ALK: variants seen among roughly 807,000 people sequenced by gnomAD.
ALK encodes the protein ALK receptor tyrosine kinase.
In ALK, 74 loss-of-function variants were observed where a neutral mutation model predicts 163.1. That is an observed-to-expected ratio of 0.45 (90% CI 0.38 to 0.55). The LOEUF (loss-of-function observed/expected upper bound fraction) is 0.55, where lower values mean the gene tolerates loss of function less well. Among genes scored for constraint, ALK ranks in the 20% least tolerant of loss-of-function variants. The pLI, the probability that ALK is intolerant of heterozygous loss-of-function variation, is 0.00. For missense variants in ALK, 2,063 were observed against 2,105.3 expected, an observed-to-expected ratio of 0.98 and a Z score of 0.39; for synonymous variants, 960 against 843.2, an observed-to-expected ratio of 1.14 and a Z score of -2.40.
At chr2:29,843,905 C>T (rs1156465489) in intron 1 of ALK, among the ~76,000 whole-genome samples, 1 of 152,162 alleles carries the variant, frequency 6.6e-6, no homozygotes, top group Admixed American at 6.5e-5. Context: ...AGCACCTGCC[C>T]TCATGAAACT....
intron 1 of ALK, among the ~76,000 whole-genome samples, chr2:29,776,861 G>A (rs1447964121): frequency 2.0e-5 from 3 of 152,126 alleles, no homozygotes; most frequent in Non-Finnish European, 4.4e-5. Flanking sequence ...CTTAGTTCAC[G>A]TCAAGTCCTA....
chr2:29,845,168 A>C (rs896343072), intron 1 of ALK, among the ~76,000 whole-genome samples: 3 of 152,180 alleles, frequency 2.0e-5, no homozygotes, highest in Non-Finnish European at 4.4e-5. Flanking sequence ...ACACTCAATG[A>C]TTTGAGTCAC....
At chr2:29,641,037 C>T (rs1288495045) in intron 3 of ALK, among the ~76,000 whole-genome samples, 2 of 151,886 alleles carry the variant, frequency 1.3e-5, no homozygotes, top group Non-Finnish European at 2.9e-5. Flanking sequence ...TAGTGCTTGG[C>T]GGGGGCAGTG....
intron 3 of ALK, among the ~76,000 whole-genome samples, chr2:29,572,018 G>A (rs1674390037): frequency 6.6e-6 from 1 of 152,298 alleles, no homozygotes; most frequent in South Asian, 2.1e-4. Context: ...GCTAGACTGA[G>A]GGATGAAAAG....
intron 4 of ALK, among the ~76,000 whole-genome samples, chr2:29,467,517 TA>T (rs1671241525): frequency 6.6e-6 from 1 of 152,170 alleles, no homozygotes; most frequent in Non-Finnish European, 1.5e-5. Context: ...CATTCTCTAT[TA>T]ATTCTGGTTT....
chr2:29,357,772 G>A (rs1668287351), intron 5 of ALK, among the ~76,000 whole-genome samples: 1 of 152,178 alleles, frequency 6.6e-6, no homozygotes, highest in Admixed American at 6.5e-5. Flanking sequence ...CAGGAGGTAG[G>A]GGCCCTGAAC....
At chr2:29,379,734 G>A (rs1668848828) in intron 5 of ALK, among the ~76,000 whole-genome samples, 1 of 152,198 alleles carries the variant, frequency 6.6e-6, no homozygotes, top group Non-Finnish European at 1.5e-5. Context: ...AGATTTATCT[G>A]GCAACGTGTG....
At chr2:29,614,779 T>C (rs978200150) in intron 3 of ALK, among the ~76,000 whole-genome samples, 1 of 152,040 alleles carries the variant, frequency 6.6e-6, no homozygotes, top group African/African-American at 2.4e-5. Flanking sequence ...AATCCCCCCA[T>C]CCCTGATGTT....
chr2:29,429,158 A>T lies in ALK; in HGVS notation c.1155-45299T>A, dbSNP rs528326759. Among the ~76,000 whole-genome samples, 196 of 152,212 alleles carry T rather than the reference A, an allele frequency of 1.3e-3. 1 individual carries two copies. Among genetic ancestry groups the T allele is most frequent in the African/African-American group, 4.2e-3 (176 of 41,594 alleles). On this transcript the variant is annotated intron_variant, in intron 4 of 28. Coordinates refer to ENST00000389048, the MANE Select transcript of ALK (RefSeq NM_004304.5). The stretch of plus-strand genomic sequence containing the variant: ...CCACAGCTAACTTTATACTTTAATT[A>T]TTAAAGACTGAATGCTTTCCTTTAA...
intron 3 of ALK, among the ~76,000 whole-genome samples, chr2:29,678,258 G>C (rs1482683470): frequency 1.3e-5 from 2 of 151,640 alleles, no homozygotes; most frequent in East Asian, 3.9e-4. Flanking sequence ...ACAAATTTTT[G>C]GGTTCAATGA....
chr2:29,221,828 C>T (rs759259334), intron 22 of ALK, among the ~76,000 whole-genome samples: 2 of 152,196 alleles, frequency 1.3e-5, no homozygotes, highest in African/African-American at 4.8e-5. Flanking sequence ...GATCTGCTGT[C>T]ACAGCGGACG....
At chr2:29,789,552 T>G (rs932667644) in intron 1 of ALK, among the ~76,000 whole-genome samples, 2 of 152,210 alleles carry the variant, frequency 1.3e-5, no homozygotes, top group African/African-American at 4.8e-5. Flanking sequence ...CCCGATTATT[T>G]CCTGTATGAA....
At chr2:29,856,055 C>G (rs1331918216) in intron 1 of ALK, among the ~76,000 whole-genome samples, 1 of 152,118 alleles carries the variant, frequency 6.6e-6, no homozygotes, top group Non-Finnish European at 1.5e-5. Context: ...TACGTTGTCT[C>G]TTCTTAAGAA....
chr2:29,765,567 C>T (rs1389629929), intron 1 of ALK, among the ~76,000 whole-genome samples: 1 of 152,156 alleles, frequency 6.6e-6, no homozygotes, highest in Admixed American at 6.5e-5. Flanking sequence ...TGGTCTCGTC[C>T]TCCCAAAATG....
At chr2:29,784,499 C>A (rs901040552) in intron 1 of ALK, among the ~76,000 whole-genome samples, 5 of 152,118 alleles carry the variant, frequency 3.3e-5, no homozygotes, top group African/African-American at 1.2e-4. Context: ...AGTTCAAGAC[C>A]AGCCTGGCCA....
At chr2:29,201,916 C>T (rs1175534129) in intron 26 of ALK, among the ~76,000 whole-genome samples, 2 of 152,100 alleles carry the variant, frequency 1.3e-5, no homozygotes, top group East Asian at 3.8e-4. Flanking sequence ...CTTCACTTAC[C>T]CACCTCTAGT....
At chr2:29,378,661 C>T (rs11694478) in intron 5 of ALK, among the ~76,000 whole-genome samples, 9,808 of 152,134 alleles carry the variant, frequency 0.064, 352 homozygotes, top group Middle Eastern at 0.099. Context: ...GTTTGCAATG[C>T]TGTGCATTTT....
At position 29,233,287 on chromosome 2, in the gene ALK, T is replaced by G. The variant is rs1344741848; in HGVS notation, c.2487+278A>C. Among the ~76,000 whole-genome samples the G allele has an allele frequency of 2.0e-5, 3 of 152,052 alleles. No homozygotes were observed. The East Asian group carries it at 5.8e-4, about 29-fold the overall frequency. On this transcript the variant is annotated intron_variant, in intron 14 of 28. Coordinates refer to ENST00000389048, the MANE Select transcript of ALK (RefSeq NM_004304.5). ...CCTCCCAAGTAGCTAGGACTACAGGTGCAAGCCACCAAAACTGGCTAATTT... is the reference window on the plus strand; with the variant it reads ...CCTCCCAAGTAGCTAGGACTACAGGGGCAAGCCACCAAAACTGGCTAATTT...
chr2:29,607,239 C>G (rs1675564461), intron 3 of ALK, among the ~76,000 whole-genome samples: 1 of 152,148 alleles, frequency 6.6e-6, no homozygotes, highest in Non-Finnish European at 1.5e-5. Context: ...GTGCTTTCCT[C>G]CTTGACGGGC....
Sources: allele counts gnomAD v4.1 joint callset (sites outside exome capture counted in the v4.1 genomes callset), GRCh38; gene constraint gnomAD v4.1.1; transcripts MANE v1.5; gene names NCBI Gene and HGNC (gene_info 2026-07-23, HGNC 2026-07-21).